The following CCDC192 variants were observed in gnomAD, a reference collection of about 807,000 sequenced individuals.
CCDC192 encodes the protein coiled-coil domain containing 192, also known as coiled-coil domain-containing protein 192.
intron 2 of CCDC192, among the ~76,000 whole-genome samples, chr5:127,709,243 G>T (rs1048652331): frequency 7.0e-6 from 1 of 142,696 alleles, no homozygotes; most frequent in South Asian, 2.2e-4. Flanking sequence ...GAGAGAGAGA[G>T]AGAGAAATGC....
chr5:127,900,665 T>C (rs1225158914), intron 6 of CCDC192, among the ~76,000 whole-genome samples: 2 of 152,212 alleles, frequency 1.3e-5, no homozygotes, highest in African/African-American at 4.8e-5. Flanking sequence ...TTAAACATTA[T>C]AGAACATGAT....
chr5:127,838,358 GT>G (rs1047463010), intron 5 of CCDC192: 4 of 152,170 alleles, frequency 2.6e-5, no homozygotes, highest in African/African-American at 9.7e-5. Flanking sequence ...ATGGAAAGAT[GT>G]TATTAAAGAC....
intron 6 of CCDC192, among the ~76,000 whole-genome samples, chr5:127,919,950 ACT>A (rs1561552115): frequency 6.6e-6 from 1 of 151,890 alleles, no homozygotes; most frequent in African/African-American, 2.4e-5. Context: ...GCAGCCACTT[ACT>A]CTCTGTTACT....
chr5:127,893,307 C>T (rs974038117), intron 6 of CCDC192, among the ~76,000 whole-genome samples: 3 of 152,178 alleles, frequency 2.0e-5, no homozygotes, highest in African/African-American at 7.2e-5. Flanking sequence ...CCTCAATTTC[C>T]TCAACTTTAA....
chr5:127,759,089 C>A (rs1280926442), intron 3 of CCDC192, among the ~76,000 whole-genome samples: 2 of 152,170 alleles, frequency 1.3e-5, no homozygotes, highest in East Asian at 3.9e-4. Flanking sequence ...AGGCTTTGTT[C>A]CTGCTCCACT....
chr5:127,752,774 G>A (rs1429980464), intron 2 of CCDC192, among the ~76,000 whole-genome samples: 2 of 152,214 alleles, frequency 1.3e-5, no homozygotes, highest in East Asian at 1.9e-4. Flanking sequence ...GACTCCGTGG[G>A]CGTAGGACCC....
At chr5:127,923,229 T>G (rs1343357126) in intron 6 of CCDC192, among the ~76,000 whole-genome samples, 1 of 152,150 alleles carries the variant, frequency 6.6e-6, no homozygotes, top group Non-Finnish European at 1.5e-5. Flanking sequence ...AAAGAAAAGT[T>G]TTGTTCATTG....
chr5:127,818,807 GGGAAA>G (rs2127015317), intron 5 of CCDC192, among the ~76,000 whole-genome samples: 1 of 152,236 alleles, frequency 6.6e-6, no homozygotes, highest in East Asian at 1.9e-4. Flanking sequence ...TGTTAGCTAG[GGGAAA>G]GGACTGGTAA....
At chr5:127,708,912 G>A (rs1037974224) in intron 2 of CCDC192, among the ~76,000 whole-genome samples, 10 of 151,926 alleles carry the variant, frequency 6.6e-5, no homozygotes, top group Admixed American at 1.3e-4. Flanking sequence ...GTAGTAGTTC[G>A]TTCTCGCACC....
At chr5:127,863,944 C>T (rs1315871099) in intron 5 of CCDC192, among the ~76,000 whole-genome samples, 3 of 152,146 alleles carry the variant, frequency 2.0e-5, no homozygotes, top group African/African-American at 7.2e-5. Context: ...TTGTGCATCT[C>T]CTGAGCTTTA....
In CCDC192 at chr5:127,903,857, TG is replaced by T. The variant is rs540050219; in HGVS notation, c.535+28197del. Among the ~76,000 whole-genome samples, 446 of 152,354 alleles carry T rather than the reference TG, an allele frequency of 2.9e-3. 1 individual carries two copies. The highest frequency in any genetic ancestry group is 0.014 in the Middle Eastern group (4 of 294). ...TTTGTTGGAGGTGGCAGCCAGTTAT[TG>T]ACATTAAATTTAAAGGAGAGTGAAT... On this transcript the variant is annotated intron_variant, in intron 6 of 6. Coordinates refer to ENST00000514853, the MANE Select transcript of CCDC192 (RefSeq NM_001317938.2).
At chr5:127,783,535 C>T (rs1421234325) in intron 3 of CCDC192, among the ~76,000 whole-genome samples, 1 of 152,032 alleles carries the variant, frequency 6.6e-6, no homozygotes, top group African/African-American at 2.4e-5. Context: ...CATTTTGTGG[C>T]CTATTATATG....
intron 5 of CCDC192, among the ~76,000 whole-genome samples, chr5:127,845,676 C>A (rs1039722655): frequency 1.1e-4 from 16 of 151,970 alleles, no homozygotes; most frequent in African/African-American, 3.9e-4. Context: ...GATTCTATTG[C>A]GAGCAAGACC....
chr5:127,918,429 C>T (rs1267802999), intron 6 of CCDC192, among the ~76,000 whole-genome samples: 3 of 152,004 alleles, frequency 2.0e-5, no homozygotes, highest in East Asian at 3.9e-4. Context: ...AAGAATCAAG[C>T]ATTTGCATTT....
chr5:127,886,009 T>C (rs1330180157), intron 6 of CCDC192, among the ~76,000 whole-genome samples: 1 of 152,218 alleles, frequency 6.6e-6, no homozygotes, highest in African/African-American at 2.4e-5. Context: ...TTGCCTCGTA[T>C]GCAGTTGGAT....
At chr5:127,784,502 A>G in intron 3 of CCDC192, 3 of 344,646 alleles carry the variant, frequency 8.7e-6, no homozygotes, top group South Asian at 7.7e-5. Context: ...TCTCAGCTTT[A>G]AAAAGGGAGG....
At chr5:127,725,134 T>C (rs1752250011) in intron 2 of CCDC192, among the ~76,000 whole-genome samples, 1 of 152,206 alleles carries the variant, frequency 6.6e-6, no homozygotes, top group African/African-American at 2.4e-5. Context: ...TTGTCATATA[T>C]GCAATTAGCA....
chr5:127,752,639 A>G (rs1754269264), intron 2 of CCDC192, among the ~76,000 whole-genome samples: 1 of 152,182 alleles, frequency 6.6e-6, no homozygotes, highest in Non-Finnish European at 1.5e-5. Context: ...GGTGGGCTCC[A>G]CCCAGTTAGA....
intron 6 of CCDC192, among the ~76,000 whole-genome samples, chr5:127,927,587 A>G (rs1170186199): frequency 6.6e-6 from 1 of 152,252 alleles, no homozygotes. Flanking sequence ...CCTATTTAAA[A>G]TGGTAGCAAT....
Sources: gnomAD v4.1 joint callset for allele counts (sites outside exome capture counted in the v4.1 genomes callset) on GRCh38, gnomAD v4.1.1 for gene constraint, MANE v1.5 for transcripts, NCBI Gene and HGNC (gene_info 2026-07-23, HGNC 2026-07-21) for gene names.